The following ZNF654 variants were observed in gnomAD, a reference collection of about 807,000 sequenced individuals.
ZNF654 encodes zinc finger protein 654.
A neutral mutation model predicts 95.3 loss-of-function variants in ZNF654; 19 were observed. That is an observed-to-expected ratio of 0.20 (90% CI 0.14 to 0.29). The LOEUF (loss-of-function observed/expected upper bound fraction) is 0.29, where lower values mean the gene tolerates loss of function less well. Ranked by LOEUF, ZNF654 falls within the 10% of genes least tolerant of loss-of-function variation. ZNF654 has a pLI of 1.00. For missense variants in ZNF654, 1,046 were observed against 1,341.0 expected, an observed-to-expected ratio of 0.78 and a Z score of 3.44; for synonymous variants, 413 against 457.9, an observed-to-expected ratio of 0.90 and a Z score of 1.25.
chr3:88,099,833 T>C (rs1236824415), intron 2 of ZNF654, among the ~76,000 whole-genome samples: 1 of 152,154 alleles, frequency 6.6e-6, no homozygotes, highest in Non-Finnish European at 1.5e-5. Flanking sequence ...TCAAGATGGA[T>C]TAAAGACTTA....
At chr3:88,060,616 A>T (rs1366347012) in intron 1 of ZNF654, among the ~76,000 whole-genome samples, 1 of 152,198 alleles carries the variant, frequency 6.6e-6, no homozygotes, top group Non-Finnish European at 1.5e-5. Flanking sequence ...TCTGTGTCTC[A>T]GTTTCCCCTT....
intron 2 of ZNF654, among the ~76,000 whole-genome samples, chr3:88,096,681 G>A (rs1704081118): frequency 6.6e-6 from 1 of 151,870 alleles, no homozygotes; most frequent in South Asian, 2.1e-4. Context: ...CCCTTTTAGC[G>A]GCTTGCTTTT....
rs1259652363 is a variant in ZNF654 at position 88,059,344 on chromosome 3, G to A, written c.25G>A (p.Glu9Lys). Residue 9 changes from glutamate to lysine, a missense_variant, in exon 1 of 9, where the codon GAG becomes AAG. Transcript: ENST00000636215. The stretch of plus-strand genomic sequence containing the variant: ...CATGGCGGAGGAAGAGAGCGACCAA[G>A]AGGCCGAACGCCTCGGAGAAGAGCT... MAEEESDQEAERLGEELVA... is the reference protein window; with the variant it reads MAEEESDQKAERLGEELVA... The A allele has an allele frequency of 2.0e-6, 3 of 1,534,716 alleles. No homozygotes were observed. Among genetic ancestry groups the A allele is most frequent in the Non-Finnish European group, 2.6e-6 (3 of 1,146,746 alleles).
chr3:88,084,859 A>G (rs922973416), intron 1 of ZNF654, among the ~76,000 whole-genome samples: 16 of 152,196 alleles, frequency 1.1e-4, no homozygotes, highest in African/African-American at 3.9e-4. Context: ...TGCTACACTT[A>G]GTAGGTTTTC....
intron 2 of ZNF654, among the ~76,000 whole-genome samples, chr3:88,099,000 G>A (rs1470437532): frequency 1.3e-5 from 2 of 152,144 alleles, no homozygotes; most frequent in Non-Finnish European, 2.9e-5. Context: ...TCAGGCGAGA[G>A]AAAGAAATAA....
chr3:88,119,710 G>C (rs1705655972), intron 3 of ZNF654, among the ~76,000 whole-genome samples: 1 of 152,058 alleles, frequency 6.6e-6, no homozygotes, highest in Non-Finnish European at 1.5e-5. Context: ...AATCTTGCAT[G>C]CACCTTAATT....
At chr3:88,109,604 T>A (rs1704966260) in intron 2 of ZNF654, among the ~76,000 whole-genome samples, 1 of 151,866 alleles carries the variant, frequency 6.6e-6, no homozygotes, top group African/African-American at 2.4e-5. Flanking sequence ...CAAAAAAGAG[T>A]AAGGGTTAGC....
At position 88,086,392 on chromosome 3, in the gene ZNF654, A is replaced by G; in HGVS notation, c.322A>G (p.Ser108Gly). 1 of 1,525,274 alleles carries G rather than the reference A, an allele frequency of 6.6e-7. No individual in the cohort carries two copies. The highest frequency in any genetic ancestry group is 2.0e-5 in the Admixed American group (1 of 49,748). The allele number at this position is 1,525,274 out of a possible 1,614,324, so 94.5% of individuals were successfully genotyped here. A position where few individuals can be genotyped will look rare whatever the true frequency, so the allele number is the denominator to read the frequency against. The change falls in exon 2 of 9, where the codon AGC (serine) becomes GGC (glycine). Residue 108 changes from serine to glycine, a missense_variant. Ser to Gly is a moderately conservative substitution (Grantham distance 56). This residue lies in a region of ZNF654 where 91 missense variants were observed against 190.5 expected (regional missense o/e 0.48). Transcript: ENST00000636215. ...ECEHVQYVLS[S>G]LAVSFFELLL... Reference sequence around the variant, plus strand: ...TGAGCATGTACAATATGTTTTGAGTAGCCTTGCTGTGTAAGTACTTTTTAC... The same window carrying G: ...TGAGCATGTACAATATGTTTTGAGTGGCCTTGCTGTGTAAGTACTTTTTAC...
At chr3:88,141,352 C>A (rs965265498) in intron 8 of ZNF654, among the ~76,000 whole-genome samples, 4 of 151,842 alleles carry the variant, frequency 2.6e-5, no homozygotes, top group African/African-American at 9.7e-5. Context: ...TTCACTGTAT[C>A]AAAGGTTATT....
At chr3:88,118,369 A>T (rs1234376614) in intron 3 of ZNF654, among the ~76,000 whole-genome samples, 1 of 152,152 alleles carries the variant, frequency 6.6e-6, no homozygotes, top group African/African-American at 2.4e-5. Flanking sequence ...ATACCATAGG[A>T]GAAGTGGAAA....
At chr3:88,116,992 A>C (rs963358570) in intron 3 of ZNF654, among the ~76,000 whole-genome samples, 12 of 152,268 alleles carry the variant, frequency 7.9e-5, no homozygotes, top group African/African-American at 2.6e-4. Flanking sequence ...AGTTTAAAAA[A>C]ATTTTTTCTT....
chr3:88,083,024 CCCTCCTCACTCCT>C (rs1480637213), intron 1 of ZNF654, among the ~76,000 whole-genome samples: 6 of 151,694 alleles, frequency 4.0e-5, no homozygotes, highest in East Asian at 1.9e-4. Context: ...TCCTCCCTCC[CCCTCCTCACTCCT>C]CCTCACTCCT....
intron 1 of ZNF654, among the ~76,000 whole-genome samples, chr3:88,068,304 GAGAC>G (rs955820284): frequency 1.3e-5 from 2 of 152,044 alleles, no homozygotes; most frequent in African/African-American, 2.4e-5. Context: ...AATTAACTTT[GAGAC>G]AGAAAGGGAC....
intron 2 of ZNF654, among the ~76,000 whole-genome samples, chr3:88,106,986 A>G (rs1445464070): frequency 1.3e-5 from 2 of 152,182 alleles, no homozygotes; most frequent in African/African-American, 4.8e-5. Flanking sequence ...TTCGTGTGCC[A>G]ACACAATGTT....
intron 1 of ZNF654, among the ~76,000 whole-genome samples, chr3:88,080,665 T>G (rs1001178842): frequency 2.5e-4 from 38 of 151,688 alleles, no homozygotes; most frequent in Non-Finnish European, 4.6e-4. Context: ...ATCTGACTCT[T>G]AACCATAATA....
rs1253470682 is a variant in ZNF654, at chr3:88,139,549, C to T, written c.1880C>T (p.Ser627Leu). Residue 627 changes from serine (S) to leucine (L), a missense_variant, in exon 8 of 9, where the codon TCA becomes TTA. Coordinates refer to ENST00000636215, the MANE Select transcript of ZNF654 (RefSeq NM_001350134.2). ...ATAAATTGTTCTAGTTCTTCCATTT[C>T]ATTTGAAAATGGGAATTCTGATAGT... Reference protein sequence around the residue: ...EEINCSSSSISFENGNSDSKD... With the variant: ...EEINCSSSSILFENGNSDSKD... 5.6e-6 allele frequency: 9 copies of T among 1,613,232 alleles called. No individual in the cohort carries two copies. Among genetic ancestry groups the T allele is most frequent in the Non-Finnish European group, 7.6e-6 (9 of 1,179,664 alleles).
intron 3 of ZNF654, among the ~76,000 whole-genome samples, chr3:88,123,028 T>TAAAAAAAAAA (rs1705872473): frequency 6.7e-6 from 1 of 149,940 alleles, no homozygotes; most frequent in Admixed American, 6.6e-5. Flanking sequence ...AAAAAAAAAG[T>TAAAAAAAAAA]AAAAAGAAAA....
At chr3:88,072,827 T>C (rs1032032147) in intron 1 of ZNF654, among the ~76,000 whole-genome samples, 1 of 152,172 alleles carries the variant, frequency 6.6e-6, no homozygotes, top group African/African-American at 2.4e-5. Flanking sequence ...TGAATAAATA[T>C]AAATAAACCC....
At chr3:88,089,146 G>T (rs1708503002) in intron 2 of ZNF654, among the ~76,000 whole-genome samples, 1 of 145,150 alleles carries the variant, frequency 6.9e-6, no homozygotes, top group South Asian at 2.2e-4. Flanking sequence ...ATTTGTATTT[G>T]AACTTTTTGA....
Sources: gnomAD v4.1 joint callset for allele counts (sites outside exome capture counted in the v4.1 genomes callset) on GRCh38, gnomAD v4.1.1 for gene constraint, gnomAD v4.1.1 regional missense constraint, MANE v1.5 for transcripts, NCBI Gene and HGNC (gene_info 2026-07-23, HGNC 2026-07-21) for gene names.